AFMID: variants seen among roughly 807,000 people sequenced by gnomAD.
The protein encoded by AFMID is kynurenine formamidase.
AFMID carries 39 observed loss-of-function variants against 47.5 expected under a neutral mutation model. The ratio of observed to expected loss-of-function variants is 0.82; its 90% CI spans 0.64 to 1.07. The LOEUF is 1.07. Ranked by LOEUF, AFMID falls within the 50% of genes least tolerant of loss-of-function variation. AFMID has a pLI of 0.00. For missense variants in AFMID, 375 were observed against 387.5 expected (o/e 0.97, Z 0.27); for synonymous variants, 130 against 153.2 (o/e 0.85, Z 1.12).
chr17:78,190,212 GCCCGACATT>G (rs1347590350), intron 1 of AFMID, among the ~76,000 whole-genome samples: 1 of 151,462 alleles, frequency 6.6e-6, no homozygotes, highest in Non-Finnish European at 1.5e-5. Context: ...GAAGGTGTTA[GCCCGACATT>G]CACCGCCCCT....
intron 7 of AFMID, 70 bp from the exon 8 acceptor site, chr17:78,205,370 G>C: frequency 6.4e-7 from 1 of 1,551,698 alleles, no homozygotes; most frequent in Non-Finnish European, 8.9e-7. Flanking sequence ...CCCCTCTGGC[G>C]GTGGGGGTGG....
chr17:78,205,573 G>C (rs200649999), intron 8 of AFMID, 30 bp from the exon 9 acceptor site: 1 of 1,613,806 alleles, frequency 6.2e-7, no homozygotes, highest in African/African-American at 1.3e-5. Context: ...GCTCCTCTCT[G>C]TCCTGACCCC....
At chr17:78,193,398 A>AAAT (rs1567844660) in intron 2 of AFMID, among the ~76,000 whole-genome samples, 1 of 140,202 alleles carries the variant, frequency 7.1e-6, no homozygotes, top group African/African-American at 2.8e-5. Flanking sequence ...AAAAAAAAAA[A>AAAT]GCTGTAAGCA....
In AFMID at chr17:78,187,866, C is replaced by T. The variant is rs535676468; in HGVS notation, c.63+433C>T. 3.4e-5 allele frequency among the ~76,000 whole-genome samples: 5 copies of T among 146,972 alleles called. No individual in the cohort carries two copies. The East Asian group carries it at 8.1e-4, about 24-fold the overall frequency. On this transcript the variant is annotated intron_variant, in intron 1 of 10. Coordinates refer to ENST00000409257, the MANE Select transcript of AFMID (RefSeq NM_001010982.5). ...ACTGGGGAGGCTGAGACAGGAGAAT[C>T]GCTTGAACCCAGGAGGTGGAGGTTG...
At chr17:78,190,359 G>A (rs2075932328) in intron 1 of AFMID, among the ~76,000 whole-genome samples, 1 of 151,942 alleles carries the variant, frequency 6.6e-6, no homozygotes, top group Non-Finnish European at 1.5e-5. Flanking sequence ...GACCTCCTGT[G>A]GTCAGAATCG....
intron 4 of AFMID, chr17:78,203,694 C>T (rs1252693761): frequency 6.6e-6 from 1 of 152,094 alleles, no homozygotes; most frequent in Non-Finnish European, 1.5e-5. Flanking sequence ...TAGGGTCTTC[C>T]TACAGAGTTG....
chr17:78,197,099 G>T, intron 2 of AFMID: 1 of 1,485,716 alleles, frequency 6.7e-7, no homozygotes, highest in South Asian at 1.2e-5. Flanking sequence ...TAAATTCCAT[G>T]ATGTTTTTCT....
chr17:78,200,379 C>T (rs908071441), intron 2 of AFMID, among the ~76,000 whole-genome samples: 1 of 152,132 alleles, frequency 6.6e-6, no homozygotes, highest in Non-Finnish European at 1.5e-5. Context: ...GGTCTCAACT[C>T]CTGACCTCAA....
intron 2 of AFMID, among the ~76,000 whole-genome samples, chr17:78,195,991 G>A (rs919553607): frequency 3.9e-5 from 6 of 152,018 alleles, no homozygotes; most frequent in Non-Finnish European, 8.8e-5. Context: ...TACTACAGGC[G>A]CCCACCACCA....
rs1015903399 is a variant in AFMID at position 78,187,877 on chromosome 17, A to G, written c.63+444A>G. On this transcript the variant is annotated intron_variant, in intron 1 of 10. Coordinates refer to ENST00000409257, the MANE Select transcript of AFMID (RefSeq NM_001010982.5). ...TGAGACAGGAGAATCGCTTGAACCC[A>G]GGAGGTGGAGGTTGCAGTGAGCCGA... Among the ~76,000 whole-genome samples, 12 of 144,794 alleles carry G rather than the reference A, an allele frequency of 8.3e-5. 3 individuals carry two copies. The highest frequency in any genetic ancestry group is 2.2e-4 in the East Asian group (1 of 4,566). 95.0% of individuals were successfully genotyped at this position (144,794 alleles called of 152,430 possible).
At chr17:78,202,631 G>C (rs531789829) in intron 3 of AFMID, 28 bp downstream of exon 3, 1 of 1,591,324 alleles carries the variant, frequency 6.3e-7, no homozygotes, top group East Asian at 2.3e-5. Context: ...TGGGGGTCCC[G>C]GGGCTTGGGG....
At chr17:78,198,222 G>A (rs1279969063) in intron 2 of AFMID, among the ~76,000 whole-genome samples, 3 of 151,674 alleles carry the variant, frequency 2.0e-5, no homozygotes, top group Admixed American at 2.0e-4. Flanking sequence ...GAGTGAAACC[G>A]TGTCTCAAAA....
intron 9 of AFMID, 58 bp downstream of exon 9, chr17:78,205,796 C>G (rs375972731): frequency 3.1e-6 from 5 of 1,601,418 alleles, no homozygotes; most frequent in Non-Finnish European, 4.3e-6. Context: ...TCATTATTTT[C>G]CTCTTTCTTT....
chr17:78,198,303 C>CA (rs2145863292), intron 2 of AFMID, among the ~76,000 whole-genome samples: 1 of 151,890 alleles, frequency 6.6e-6, no homozygotes, highest in Non-Finnish European at 1.5e-5. Flanking sequence ...ACTAAAAATA[C>CA]AAAAATTCGC....
At chr17:78,200,042 G>A (rs1164194075) in intron 2 of AFMID, among the ~76,000 whole-genome samples, 14 of 149,206 alleles carry the variant, frequency 9.4e-5, no homozygotes, top group Admixed American at 7.3e-4. Context: ...CCCCCACAAC[G>A]ACATAAAAAA....
rs761248455 is a variant in AFMID at position 78,207,054 on chromosome 17, C to T, written c.*117C>T. 26 of 1,079,500 alleles carry T rather than the reference C, an allele frequency of 2.4e-5. No homozygotes were observed. Among genetic ancestry groups the T allele is most frequent in the Non-Finnish European group, 3.6e-5 (25 of 701,976 alleles). The allele number at this position is 1,079,500 out of a possible 1,614,324, so 66.9% of individuals were successfully genotyped here. A position where few individuals can be genotyped will look rare whatever the true frequency, so the allele number is the denominator to read the frequency against. The stretch of plus-strand genomic sequence containing the variant: ...TCCCCCAGCACCCAGGAGAGCCTTG[C>T]TGTGTCTGTCTGCCCGGCAAGAGTC... On this transcript the variant is annotated 3_prime_UTR_variant, in exon 11 of 11. Transcript: ENST00000409257.
chr17:78,206,323 A>T (rs2076379570), intron 10 of AFMID, among the ~76,000 whole-genome samples: 1 of 67,216 alleles, frequency 1.5e-5, no homozygotes. Context: ...TGAGCGACAG[A>T]GTAAGACTCT....
chr17:78,205,665 C>G lies in AFMID; in HGVS notation c.707C>G (p.Thr236Ser). 1 of 1,613,728 alleles carries G rather than the reference C, an allele frequency of 6.2e-7. No homozygotes were observed. Among genetic ancestry groups the G allele is most frequent in the Non-Finnish European group, 8.5e-7 (1 of 1,180,014 alleles). ...GCCCAGGCACAGCCGGTGGACCCCA[C>G]CTGCCGTGTGCTGGTGGTCGTGGGC... is the stretch of plus-strand genomic sequence containing the variant. ...KVAQAQPVDPTCRVLVVVGQF... is the reference protein window; with the variant it reads ...KVAQAQPVDPSCRVLVVVGQF... The change falls in exon 9 of 11, where the codon ACC becomes AGC. Residue 236 changes from threonine to serine, a missense_variant. Coordinates refer to ENST00000409257, the MANE Select transcript of AFMID (RefSeq NM_001010982.5).
chr17:78,191,131 G>A, intron 2 of AFMID, 71 bp downstream of exon 2: 2 of 1,395,644 alleles, frequency 1.4e-6, no homozygotes, highest in Non-Finnish European at 2.0e-6. Flanking sequence ...GAATGCTGGG[G>A]GTTGGGGGGG....
Sources: allele counts gnomAD v4.1 joint callset (sites outside exome capture counted in the v4.1 genomes callset), GRCh38; gene constraint gnomAD v4.1.1; transcripts MANE v1.5; gene names NCBI Gene and HGNC (gene_info 2026-07-23, HGNC 2026-07-21).